MTCL3: variants seen among roughly 807,000 people sequenced by gnomAD.
MTCL3 encodes the protein MTCL family member 3.
chr6:127,478,475 T>G, the MTCL3 span, among the ~76,000 whole-genome samples: 1 of 152,176 alleles, frequency 6.6e-6, no homozygotes, highest in Admixed American at 6.5e-5. Context: ...ATGGAAATGG[T>G]TTTGGGTGAA....
chr6:127,472,995 T>C, the MTCL3 span: 1 of 646,508 alleles, frequency 1.5e-6, no homozygotes, highest in South Asian at 6.8e-5. Context: ...AGTATGCCAA[T>C]TATTTATCAA....
the MTCL3 span, chr6:127,514,859 G>C: frequency 6.2e-7 from 1 of 1,613,740 alleles, no homozygotes; most frequent in South Asian, 1.1e-5. Flanking sequence ...ACAGCTCCCC[G>C]TCGATTTCCC....
At chr6:127,516,496 T>A in the MTCL3 span, 3 of 1,599,462 alleles carry the variant, frequency 1.9e-6, no homozygotes, top group Non-Finnish European at 2.5e-6. Context: ...AGCGGGTGAC[T>A]GAGCTCGCTG....
At chr6:127,507,454 G>A in the MTCL3 span, among the ~76,000 whole-genome samples, 7 of 152,094 alleles carry the variant, frequency 4.6e-5, no homozygotes, top group African/African-American at 1.4e-4. Flanking sequence ...TGCTTCTAAT[G>A]GGGGCTTGGC....
At chr6:127,509,183 C>T in the MTCL3 span, among the ~76,000 whole-genome samples, 3 of 152,184 alleles carry the variant, frequency 2.0e-5, no homozygotes, top group Non-Finnish European at 2.9e-5. Context: ...AGGCAGCATT[C>T]GAAGAGGTCC....
chr6:127,493,830 T>A, the MTCL3 span, among the ~76,000 whole-genome samples: 1 of 152,234 alleles, frequency 6.6e-6, no homozygotes, highest in Non-Finnish European at 1.5e-5. Flanking sequence ...TTTTTTAAAT[T>A]AAAGAATCCA....
At chr6:127,488,022 A>AC in the MTCL3 span, among the ~76,000 whole-genome samples, 584 of 151,816 alleles carry the variant, frequency 3.8e-3, 32 homozygotes, top group East Asian at 0.099. Flanking sequence ...TGGTCACCCC[A>AC]CCCCCCAATC....
At chr6:127,491,992 G>T in the MTCL3 span, among the ~76,000 whole-genome samples, 4 of 151,930 alleles carry the variant, frequency 2.6e-5, no homozygotes, top group African/African-American at 4.8e-5. Context: ...TGGCGTGCTG[G>T]TTCTGAGTCT....
the MTCL3 span, among the ~76,000 whole-genome samples, chr6:127,506,695 C>T: frequency 1.3e-5 from 2 of 152,314 alleles, no homozygotes; most frequent in Admixed American, 1.3e-4. Flanking sequence ...ATTCTCCTGC[C>T]TCAGCCTCCC....
chr6:127,476,326 A>C, the MTCL3 span: 4 of 1,614,096 alleles, frequency 2.5e-6, no homozygotes, highest in Non-Finnish European at 3.4e-6. This position sits in a 1 kb window ranked among gnomAD's most constrained non-coding sequence, Gnocchi z 4.4. Context: ...AGGACTGTCC[A>C]GATCCCCATA....
chr6:127,477,298 T>C, the MTCL3 span, among the ~76,000 whole-genome samples: 3 of 152,208 alleles, frequency 2.0e-5, no homozygotes, highest in Non-Finnish European at 4.4e-5. Flanking sequence ...CACACATTCT[T>C]ACGACAACCT....
chr6:127,514,153 C>T, the MTCL3 span, among the ~76,000 whole-genome samples: 926 of 152,308 alleles, frequency 6.1e-3, 7 homozygotes, highest in African/African-American at 0.022. Flanking sequence ...CTAGAAAATG[C>T]ACTTCAAGGT....
chr6:127,510,514 CA>C, the MTCL3 span, among the ~76,000 whole-genome samples: 2 of 152,334 alleles, frequency 1.3e-5, no homozygotes, highest in African/African-American at 4.8e-5. Context: ...ACAGTCTATG[CA>C]TATTTTCCCC....
At chr6:127,483,032 T>G in the MTCL3 span, 2 of 1,455,094 alleles carry the variant, frequency 1.4e-6, no homozygotes, top group Non-Finnish European at 1.9e-6. Context: ...ATAATTTTAA[T>G]TCAATTTTAT....
chr6:127,475,313 C>T, the MTCL3 span: 3 of 1,609,186 alleles, frequency 1.9e-6, no homozygotes, highest in South Asian at 2.2e-5. This position sits in a 1 kb window ranked among gnomAD's most constrained non-coding sequence, Gnocchi z 7.3. Context: ...GAAATGGGCT[C>T]CTCGGCGCCG....
At chr6:127,517,650 T>C in the MTCL3 span, 1 of 152,226 alleles carries the variant, frequency 6.6e-6, no homozygotes, top group Non-Finnish European at 1.5e-5. Flanking sequence ...GCCCATTTCC[T>C]CCTATATAGC....
At chr6:127,513,020 G>A in the MTCL3 span, 3 of 1,611,058 alleles carry the variant, frequency 1.9e-6, no homozygotes, top group Non-Finnish European at 1.7e-6. Flanking sequence ...CTAATTCATG[G>A]TGAAGTCTCA....
chr6:127,501,450 TA>T, the MTCL3 span, among the ~76,000 whole-genome samples: 1 of 152,226 alleles, frequency 6.6e-6, no homozygotes, highest in Non-Finnish European at 1.5e-5. Flanking sequence ...AGTTGCTCAT[TA>T]TATATCAGAA....
At chr6:127,496,542 C>T in the MTCL3 span, among the ~76,000 whole-genome samples, 5 of 152,124 alleles carry the variant, frequency 3.3e-5, no homozygotes, top group Non-Finnish European at 5.9e-5. Context: ...TGTAAATTTG[C>T]CATATGACCC....
Sources: gnomAD v4.1 joint callset for allele counts (sites outside exome capture counted in the v4.1 genomes callset) on GRCh38, gnomAD v4.1.1 for gene constraint, Gnocchi (gnomAD v3.1) non-coding constraint, MANE v1.5 for transcripts, NCBI Gene and HGNC (gene_info 2026-07-23, HGNC 2026-07-21) for gene names.